The following MCU variants were observed in gnomAD, a reference collection of about 807,000 sequenced individuals.
MCU encodes the protein mitochondrial calcium uniporter, also known as calcium uniporter protein, mitochondrial.
Under a neutral mutation model 45.2 loss-of-function variants are expected in MCU, and 12 were observed. That is an observed-to-expected ratio of 0.27 (90% CI 0.17 to 0.43). MCU has a LOEUF of 0.43. MCU is among the 20% of genes least tolerant of loss of function. MCU has a pLI of 1.00. For synonymous variants in MCU, 160 were observed against 165.1 expected, an observed-to-expected ratio of 0.97 and a Z score of 0.24; for missense variants, 324 against 436.7, an observed-to-expected ratio of 0.74 and a Z score of 2.30.
At chr10:72,816,702 G>A (rs1241001466) in intron 1 of MCU, among the ~76,000 whole-genome samples, 1 of 152,196 alleles carries the variant, frequency 6.6e-6, no homozygotes, top group Non-Finnish European at 1.5e-5. Context: ...AGTGCAGGAG[G>A]CACAGGCTGC....
In MCU at chr10:72,824,881, C is replaced by G. The variant is rs961015353; in HGVS notation, c.151-9478C>G. 7.2e-5 allele frequency among the ~76,000 whole-genome samples: 11 copies of G among 152,150 alleles called. No individual in the cohort carries two copies. In the South Asian group the frequency reaches 1.5e-3, roughly 20 times the overall value. ...AATGAAAATCACACAAAGCATACTT[C>G]TTGATTTGAAATTGTTTACTTCATT... On this transcript the variant is annotated intron_variant, in intron 1 of 7. Transcript: ENST00000373053.
chr10:72,742,733 GC>G (rs988603800), intron 1 of MCU, among the ~76,000 whole-genome samples: 3 of 152,176 alleles, frequency 2.0e-5, no homozygotes, highest in Admixed American at 6.5e-5. Flanking sequence ...ATGGGCAGGG[GC>G]TGAACTATAG....
In MCU at chr10:72,851,286, C is replaced by T. The variant is rs547199558; in HGVS notation, c.221-7891C>T. On this transcript the variant is annotated intron_variant, in intron 2 of 7. Transcript: ENST00000373053. ...TGTCTCAGTTATTTTAAAACAGTAA[C>T]CCCTAAGCATTTACCTGTGAAACTG... Among the ~76,000 whole-genome samples the T allele has an allele frequency of 2.6e-5, 4 of 152,288 alleles. No homozygotes were observed. The South Asian group carries it at 8.3e-4, about 32-fold the overall frequency.
Position 72,871,408 on chromosome 10 carries a change from A to C in MCU, c.689A>C (p.Lys230Thr). Residue 230 changes from lysine (K) to threonine (T), a missense_variant, in exon 6 of 8, where the codon AAG becomes ACG. Physicochemically the swap from Lys to Thr is moderately conservative, Grantham distance 78. Transcript: ENST00000373053. The stretch of plus-strand genomic sequence containing the variant: ...ATTGAGATTAGCAGAAAAGCTGAGA[A>C]GAGGACCACTTTGGTGCTATGGGGT... ...VRIEISRKAE[K>T]RTTLVLWGGL... 1 of 1,614,134 alleles carries C rather than the reference A, an allele frequency of 6.2e-7. No individual in the cohort carries two copies. Among genetic ancestry groups the C allele is most frequent in the Non-Finnish European group, 8.5e-7 (1 of 1,179,980 alleles).
In MCU at chr10:72,871,414, C is replaced by T; in HGVS notation, c.695C>T (p.Thr232Ile). Reference protein sequence around the residue: ...IEISRKAEKRTTLVLWGGLAY... With the variant: ...IEISRKAEKRITLVLWGGLAY... ...ATTAGCAGAAAAGCTGAGAAGAGGACCACTTTGGTGCTATGGGGTGGCCTT... is the reference window on the plus strand; with the variant it reads ...ATTAGCAGAAAAGCTGAGAAGAGGATCACTTTGGTGCTATGGGGTGGCCTT... Residue 232 changes from threonine to isoleucine, a missense_variant, in exon 6 of 8, where the codon ACC becomes ATC. Thr to Ile is a moderately conservative substitution (Grantham distance 89). Transcript: ENST00000373053. The T allele has an allele frequency of 6.2e-7, 1 of 1,614,108 alleles. No individual in the cohort carries two copies. The highest frequency in any genetic ancestry group is 8.5e-7 in the Non-Finnish European group (1 of 1,180,004).
At chr10:72,854,048 C>T (rs1157245294) in intron 2 of MCU, among the ~76,000 whole-genome samples, 2 of 152,036 alleles carry the variant, frequency 1.3e-5, no homozygotes, top group African/African-American at 4.8e-5. Flanking sequence ...GCAGGAGAAT[C>T]GCTTGAAGGT....
chr10:72,755,962 G>A (rs530630133), intron 1 of MCU, among the ~76,000 whole-genome samples: 38 of 151,516 alleles, frequency 2.5e-4, no homozygotes, highest in African/African-American at 7.0e-4. Flanking sequence ...TCCCACCTCC[G>A]CCTCCTGAGT....
intron 6 of MCU, among the ~76,000 whole-genome samples, chr10:72,875,768 T>C (rs1020803082): frequency 2.6e-5 from 4 of 152,232 alleles, no homozygotes; most frequent in African/African-American, 9.6e-5. Context: ...TGCTGATTAA[T>C]ATTTCAGTAG....
chr10:72,808,568 G>T (rs1474956735), intron 1 of MCU, among the ~76,000 whole-genome samples: 1 of 152,138 alleles, frequency 6.6e-6, no homozygotes, highest in Non-Finnish European at 1.5e-5. Flanking sequence ...GGAGAGTTAG[G>T]ATTGGTTTAT....
At chr10:72,706,203 A>G (rs986962318) in intron 1 of MCU, among the ~76,000 whole-genome samples, 12 of 149,780 alleles carry the variant, frequency 8.0e-5, no homozygotes, top group Admixed American at 1.3e-4. Flanking sequence ...ACTATTGAGC[A>G]TTGTATGATG....
chr10:72,860,473 G>A lies in MCU; in HGVS notation c.442G>A (p.Asp148Asn). 1.9e-6 allele frequency: 3 copies of A among 1,614,020 alleles called. No homozygotes were observed. Among genetic ancestry groups the A allele is most frequent in the Non-Finnish European group, 2.5e-6 (3 of 1,179,988 alleles). ...STGIDLLLLD[D>N]FKLVINDLTY... ...AGGAATAGACCTCCTCCTCCTTGATGACTTTAAGCTGGTCATTAATGACTT... is the reference window on the plus strand; with the variant it reads ...AGGAATAGACCTCCTCCTCCTTGATAACTTTAAGCTGGTCATTAATGACTT... The change falls in exon 4 of 8, where the codon GAC (aspartate) becomes AAC (asparagine). Residue 148 changes from aspartate (D) to asparagine (N), a missense_variant. Asp to Asn is a conservative substitution (Grantham distance 23). This residue lies in a region of MCU where 135 missense variants were observed against 207.3 expected (regional missense o/e 0.65). Coordinates refer to ENST00000373053, the MANE Select transcript of MCU (RefSeq NM_138357.3).
Position 72,847,264 on chromosome 10 carries a change from C to T in MCU, c.221-11913C>T, listed in dbSNP as rs190023151. Among the ~76,000 whole-genome samples the T allele has an allele frequency of 4.6e-5, 7 of 152,288 alleles. No homozygotes were observed. In the East Asian group the frequency reaches 1.2e-3, roughly 25 times the overall value. Reference sequence around the variant, plus strand: ...TGCTGGGATTTAAGGCATGAGCCACCGCACCTGTCCTGTATAATGATTTCT... The same window carrying T: ...TGCTGGGATTTAAGGCATGAGCCACTGCACCTGTCCTGTATAATGATTTCT... On this transcript the variant is annotated intron_variant, in intron 2 of 7. Transcript: ENST00000373053.
intron 1 of MCU, among the ~76,000 whole-genome samples, chr10:72,704,519 T>G (rs1842794969): frequency 6.6e-6 from 1 of 150,936 alleles, no homozygotes; most frequent in Non-Finnish European, 1.5e-5. Context: ...AATTTGTGAT[T>G]TTTTTTTTAT....
At chr10:72,719,625 A>T (rs1842995423) in intron 1 of MCU, among the ~76,000 whole-genome samples, 1 of 152,188 alleles carries the variant, frequency 6.6e-6, no homozygotes, top group African/African-American at 2.4e-5. Context: ...CACTTAACAT[A>T]ACCAGAATGT....
intron 1 of MCU, among the ~76,000 whole-genome samples, chr10:72,781,769 T>C (rs1242849335): frequency 2.0e-5 from 3 of 152,122 alleles, no homozygotes; most frequent in South Asian, 2.1e-4. Context: ...TTTCTTTTTT[T>C]TTCTTCTTCC....
intron 1 of MCU, among the ~76,000 whole-genome samples, chr10:72,779,674 G>C (rs190808265): frequency 6.6e-6 from 1 of 152,204 alleles, no homozygotes; most frequent in Non-Finnish European, 1.5e-5. Context: ...GTTAGCACAT[G>C]AAGATGCTCA....
chr10:72,811,299 G>A (rs1184756874), intron 1 of MCU, among the ~76,000 whole-genome samples: 2 of 152,132 alleles, frequency 1.3e-5, no homozygotes, highest in Admixed American at 6.6e-5. Context: ...CATTCTAGAC[G>A]CAATGAGCCA....
chr10:72,745,796 G>A (rs1018190372), intron 1 of MCU, among the ~76,000 whole-genome samples: 2 of 152,108 alleles, frequency 1.3e-5, no homozygotes, highest in Non-Finnish European at 2.9e-5. Context: ...TCCTGTGAAA[G>A]TATAGTCACA....
At chr10:72,856,344 A>T (rs530829514) in intron 2 of MCU, among the ~76,000 whole-genome samples, 1 of 152,304 alleles carries the variant, frequency 6.6e-6, no homozygotes, top group Non-Finnish European at 1.5e-5. Context: ...TTTAAGTAAG[A>T]ATGTATTTTG....
Sources: allele counts gnomAD v4.1 joint callset (sites outside exome capture counted in the v4.1 genomes callset), GRCh38; gene constraint gnomAD v4.1.1; regional missense constraint gnomAD v4.1.1; transcripts MANE v1.5; gene names NCBI Gene and HGNC (gene_info 2026-07-23, HGNC 2026-07-21).